The following PRDM5 variants were observed in gnomAD, a reference collection of about 807,000 sequenced individuals.
The protein encoded by PRDM5 is PR/SET domain 5.
A neutral mutation model predicts 81.2 loss-of-function variants in PRDM5; 56 were observed. The ratio of observed to expected loss-of-function variants is 0.69; its 90% CI spans 0.56 to 0.86. PRDM5 has a LOEUF of 0.86. Ranked by LOEUF, PRDM5 falls within the 40% of genes least tolerant of loss-of-function variation. PRDM5 has a pLI of 0.00. For synonymous variants in PRDM5, 267 were observed against 256.4 expected (o/e 1.04, Z -0.39); for missense variants, 697 against 770.1 (o/e 0.91, Z 1.12).
rs1215298954 is a variant in PRDM5 at position 120,685,196 on chromosome 4, T to C, written n.104-171A>G. Among the ~76,000 whole-genome samples the C allele has an allele frequency of 3.0e-4, 45 of 152,176 alleles. No individual in the cohort carries two copies. The East Asian group carries it at 5.6e-3, about 19-fold the overall frequency. ...ATTAATATAGTAAGGTTATTCCCTC[T>C]TTTGAATATTTGAATACTATTATTT... On this transcript the variant is annotated intron_variant and non_coding_transcript_variant, in intron 1 of 1. Transcript: ENST00000513741.
chr4:120,799,430 T>A (rs1242927966), intron 9 of PRDM5, among the ~76,000 whole-genome samples: 2 of 152,138 alleles, frequency 1.3e-5, no homozygotes, highest in African/African-American at 4.8e-5. Context: ...AGTGACAAAT[T>A]ACATGGTGAT....
rs1481342208 is a variant in PRDM5, at chr4:120,876,592, C to G, written c.178-23052G>C. ...CCAAACAACTAAAGAGAAACAAGGT[C>G]TAAAAACATAAAGACCTTACAAAGT... On this transcript the variant is annotated intron_variant, in intron 2 of 15. Coordinates refer to ENST00000264808, the MANE Select transcript of PRDM5 (RefSeq NM_018699.4). Among the ~76,000 whole-genome samples the G allele has an allele frequency of 2.0e-5, 3 of 152,112 alleles. No individual in the cohort carries two copies. The East Asian group carries it at 5.8e-4, about 29-fold the overall frequency.
At chr4:120,713,458 A>T (rs1737302818) in intron 14 of PRDM5, among the ~76,000 whole-genome samples, 1 of 152,158 alleles carries the variant, frequency 6.6e-6, no homozygotes, top group African/African-American at 2.4e-5. Context: ...GATATACTTG[A>T]CTATATTTCC....
intron 15 of PRDM5, 30 bp downstream of exon 15, chr4:120,710,279 A>T: frequency 6.3e-7 from 1 of 1,575,468 alleles, no homozygotes; most frequent in Non-Finnish European, 8.7e-7. Context: ...TTATTGGAAG[A>T]CACTATGGGG....
chr4:120,877,189 T>C (rs573609340), intron 2 of PRDM5, among the ~76,000 whole-genome samples: 9 of 152,230 alleles, frequency 5.9e-5, no homozygotes, highest in African/African-American at 1.9e-4. Flanking sequence ...GAGCATGAGG[T>C]AAGTTCAGCT....
chr4:120,692,301 G>C lies in PRDM5; in HGVS notation c.*2810C>G, dbSNP rs1734104750. On this transcript the variant is annotated 3_prime_UTR_variant, in exon 16 of 16. Coordinates refer to ENST00000264808, the MANE Select transcript of PRDM5 (RefSeq NM_018699.4). ...GACTGTAATAGGTCAGAAGATATTT[G>C]AGCAAAGTAATGCACTTACATGTAT... 1 of 151,990 alleles carries C rather than the reference G, an allele frequency of 6.6e-6. No individual in the cohort carries two copies. Among genetic ancestry groups the C allele is most frequent in the Non-Finnish European group, 1.5e-5 (1 of 67,956 alleles). The allele number at this position is 151,990 out of a possible 1,614,324, so 9.4% of individuals were successfully genotyped here.
intron 14 of PRDM5, among the ~76,000 whole-genome samples, chr4:120,735,525 T>G (rs1740975899): frequency 6.6e-6 from 1 of 151,978 alleles, no homozygotes; most frequent in South Asian, 2.1e-4. Flanking sequence ...TGTACCCTAC[T>G]GGGGCATAAA....
Position 120,754,542 on chromosome 4 carries a change from T to A in PRDM5, c.1623+11A>T, listed in dbSNP as rs750261741. 5 of 1,527,444 alleles carry A rather than the reference T, an allele frequency of 3.3e-6. No individual in the cohort carries two copies. Among genetic ancestry groups the A allele is most frequent in the South Asian group, 2.2e-5 (2 of 89,286 alleles). The allele number at this position is 1,527,444 out of a possible 1,614,324, so 94.6% of individuals were successfully genotyped here. A position where few individuals can be genotyped will look rare whatever the true frequency, so the allele number is the denominator to read the frequency against. On this transcript the variant is annotated intron_variant, in intron 14 of 15. Transcript: ENST00000264808. ...CATGATCAATATTAATGAAACAGAA[T>A]ATAATCTTACCCTGGTGTGAGTACG... is the stretch of plus-strand genomic sequence containing the variant.
intron 2 of PRDM5, among the ~76,000 whole-genome samples, chr4:120,863,225 CAT>C (rs1159735125): frequency 4.3e-4 from 60 of 138,714 alleles, no homozygotes; most frequent in Admixed American, 6.6e-4. Context: ...CACACACACA[CAT>C]ATATATGTAT....
chr4:120,902,471 T>C (rs1248554852), intron 2 of PRDM5, among the ~76,000 whole-genome samples: 4 of 152,152 alleles, frequency 2.6e-5, no homozygotes, highest in African/African-American at 9.7e-5. Flanking sequence ...AGGAAATGTA[T>C]CTCAAGCTCC....
At chr4:120,823,181 A>G (rs1241716751) in intron 3 of PRDM5, among the ~76,000 whole-genome samples, 2 of 152,164 alleles carry the variant, frequency 1.3e-5, no homozygotes, top group Non-Finnish European at 2.9e-5. Flanking sequence ...TCATCCTAGT[A>G]TATTAGTGAT....
chr4:120,817,690 C>T (rs1754717429), intron 5 of PRDM5, among the ~76,000 whole-genome samples: 1 of 152,064 alleles, frequency 6.6e-6, no homozygotes, highest in African/African-American at 2.4e-5. Flanking sequence ...AAAAATAAAA[C>T]TTTACAAATG....
Position 120,766,259 on chromosome 4 carries a change from G to T in PRDM5, c.1537+10929C>A, listed in dbSNP as rs1746376586. ...CAGGCATGAGCCACCACACCCAGCT[G>T]GGACTATTATTATTCCATTTATCAG... On this transcript the variant is annotated intron_variant, in intron 13 of 15. Transcript: ENST00000264808. 1.3e-5 allele frequency among the ~76,000 whole-genome samples: 2 copies of T among 152,046 alleles called. 1 individual carries two copies. Among genetic ancestry groups the T allele is most frequent in the Admixed American group, 1.3e-4 (2 of 15,256 alleles).
chr4:120,752,228 T>A (rs1316748211), intron 14 of PRDM5, among the ~76,000 whole-genome samples: 1 of 152,174 alleles, frequency 6.6e-6, no homozygotes, highest in East Asian at 1.9e-4. Context: ...ATGCAAAGAT[T>A]ATCTGTATTT....
At chr4:120,832,970 T>C (rs1373848302) in intron 3 of PRDM5, among the ~76,000 whole-genome samples, 1 of 152,142 alleles carries the variant, frequency 6.6e-6, no homozygotes, top group Non-Finnish European at 1.5e-5. Context: ...TGAAAGTTTA[T>C]TCAATACATT....
intron 1 of PRDM5, among the ~76,000 whole-genome samples, chr4:120,908,204 C>A (rs1287224809): frequency 6.6e-6 from 1 of 152,180 alleles, no homozygotes; most frequent in East Asian, 1.9e-4. Flanking sequence ...TTCAATCTAC[C>A]CTGACGGGAC....
intron 3 of PRDM5, among the ~76,000 whole-genome samples, chr4:120,822,824 T>C (rs1337039150): frequency 6.6e-6 from 1 of 152,218 alleles, no homozygotes; most frequent in Non-Finnish European, 1.5e-5. Context: ...CTGAAGCAAA[T>C]CTAATCATGT....
At chr4:120,834,200 A>G (rs751748565) in intron 3 of PRDM5, among the ~76,000 whole-genome samples, 2 of 152,172 alleles carry the variant, frequency 1.3e-5, no homozygotes, top group Non-Finnish European at 2.9e-5. Context: ...CATTTGATCA[A>G]TGTGATGGTT....
intron 14 of PRDM5, among the ~76,000 whole-genome samples, chr4:120,725,324 G>A (rs1739242589): frequency 6.8e-6 from 1 of 146,206 alleles, no homozygotes; most frequent in Admixed American, 6.8e-5. Context: ...TTTCACAAAT[G>A]GGTGTTTGTG....
Sources: gnomAD v4.1 joint callset for allele counts (sites outside exome capture counted in the v4.1 genomes callset) on GRCh38, gnomAD v4.1.1 for gene constraint, MANE v1.5 for transcripts, NCBI Gene and HGNC (gene_info 2026-07-23, HGNC 2026-07-21) for gene names.